Variants in WWC2 observed in about 807,000 individuals in gnomAD.
WWC2 encodes the protein protein WWC2.
A neutral mutation model predicts 138.5 loss-of-function variants in WWC2; 101 were observed. That is an observed-to-expected ratio of 0.73 (90% CI 0.62 to 0.86). The LOEUF (loss-of-function observed/expected upper bound fraction) is 0.86, where lower values mean the gene tolerates loss of function less well. Ranked by LOEUF, WWC2 falls within the 40% of genes least tolerant of loss-of-function variation. The pLI is 0.00. For missense variants in WWC2, 1,420 were observed against 1,419.4 expected (o/e 1.00, Z -0.01); for synonymous variants, 558 against 538.4 (o/e 1.04, Z -0.50).
chr4:183,201,682 G>T (rs184269426), intron 2 of WWC2, among the ~76,000 whole-genome samples: 1 of 152,302 alleles, frequency 6.6e-6, no homozygotes. Context: ...ACTTGCTGTA[G>T]CTCTTGGGGC....
In WWC2 at chr4:183,320,219, T is replaced by G; in HGVS notation, c.*4490T>G. 6.2e-7 allele frequency: 1 copy of G among 1,611,266 alleles called. No individual in the cohort carries two copies. On this transcript the variant is annotated 3_prime_UTR_variant, in exon 23 of 23. Transcript: ENST00000403733. ...CTACAGTTCTAAATACTAAAGCCAT[T>G]ATAATGTCCTGAGAGCTTTAGCCAA...
At chr4:183,101,316 A>G (rs1453686147) in intron 1 of WWC2, among the ~76,000 whole-genome samples, 1 of 152,236 alleles carries the variant, frequency 6.6e-6, no homozygotes, top group Non-Finnish European at 1.5e-5. Context: ...TGACTTGGCT[A>G]TCCATATCAC....
intron 8 of WWC2, among the ~76,000 whole-genome samples, chr4:183,250,958 C>T (rs774487273): frequency 1.3e-5 from 2 of 152,122 alleles, no homozygotes; most frequent in Non-Finnish European, 2.9e-5. Context: ...AAAATAAATA[C>T]AATATTCACC....
chr4:183,205,733 T>G (rs1187016135), intron 2 of WWC2, among the ~76,000 whole-genome samples: 2 of 152,298 alleles, frequency 1.3e-5, no homozygotes, highest in East Asian at 3.9e-4. Context: ...CTTATTTAGC[T>G]CTGTTGTTAA....
intron 1 of WWC2, among the ~76,000 whole-genome samples, chr4:183,187,195 C>T (rs891163666): frequency 1.3e-5 from 2 of 152,034 alleles, no homozygotes; most frequent in Admixed American, 6.6e-5. Context: ...TTTTGTGACA[C>T]GTTTTACGTT....
At chr4:183,169,708 T>G (rs1036127917) in intron 1 of WWC2, among the ~76,000 whole-genome samples, 6 of 152,190 alleles carry the variant, frequency 3.9e-5, no homozygotes, top group Non-Finnish European at 8.8e-5. Flanking sequence ...TTTGTTTATA[T>G]AATATAGTAT....
chr4:183,271,094 C>T lies in WWC2; in HGVS notation c.2415C>T (p.Ile805=), dbSNP rs1162265535. The T allele has an allele frequency of 4.4e-6, 7 of 1,595,082 alleles. No homozygotes were observed. The East Asian group carries it at 1.4e-4, about 31-fold the overall frequency. ...RREECLAGTQ[I]SLADLPFSSE... ...CACTTACATAGGCTGGAACTCAGAT[C>T]AGCCTGGCAGATTTACCATTTTCCA... The change falls in exon 16 of 23, where the codon ATC becomes ATT. Residue 805 remains isoleucine (I), a synonymous_variant. Transcript: ENST00000403733.
At chr4:183,185,706 T>C (rs1030725292) in intron 1 of WWC2, among the ~76,000 whole-genome samples, 1 of 152,156 alleles carries the variant, frequency 6.6e-6, no homozygotes, top group East Asian at 1.9e-4. Context: ...TACTGCCCTA[T>C]GTACAAATGT....
chr4:183,169,068 G>A (rs1734203098), intron 1 of WWC2, among the ~76,000 whole-genome samples: 1 of 152,046 alleles, frequency 6.6e-6, no homozygotes, highest in African/African-American at 2.4e-5. Context: ...GGCTGGTCTT[G>A]AACTCCTGAC....
At chr4:183,267,926 G>C (rs1737558080) in intron 14 of WWC2, among the ~76,000 whole-genome samples, 1 of 152,060 alleles carries the variant, frequency 6.6e-6, no homozygotes, top group African/African-American at 2.4e-5. Context: ...AACCTCAAAA[G>C]TTATTTTTTG....
intron 1 of WWC2, among the ~76,000 whole-genome samples, chr4:183,154,760 G>C (rs1240883453): frequency 6.6e-6 from 1 of 152,148 alleles, no homozygotes; most frequent in African/African-American, 2.4e-5. Context: ...CCTATCTGCA[G>C]TTGTGGCGCC....
At chr4:183,256,913 C>G in intron 9 of WWC2, among the ~76,000 whole-genome samples, 1 of 131,706 alleles carries the variant, frequency 7.6e-6, no homozygotes, top group African/African-American at 2.8e-5. Context: ...CGGCTCTGTT[C>G]CTGCCCCCAC....
At chr4:183,137,349 T>G (rs1733152847) in intron 1 of WWC2, among the ~76,000 whole-genome samples, 1 of 152,166 alleles carries the variant, frequency 6.6e-6, no homozygotes, top group African/African-American at 2.4e-5. Context: ...GTGTCCTTGT[T>G]CTATAAGCTT....
chr4:183,159,987 T>G (rs1218262505), intron 1 of WWC2, among the ~76,000 whole-genome samples: 1 of 152,196 alleles, frequency 6.6e-6, no homozygotes, highest in East Asian at 1.9e-4. Context: ...CTTTGCCTGA[T>G]TCTGATGTGC....
At chr4:183,216,280 A>G (rs956371400) in intron 4 of WWC2, among the ~76,000 whole-genome samples, 1 of 152,196 alleles carries the variant, frequency 6.6e-6, no homozygotes, top group Admixed American at 6.5e-5. Flanking sequence ...CTCAGCTTCT[A>G]CTTAATGAAG....
In WWC2 at chr4:183,253,883, C is replaced by T. The variant is rs376596593; in HGVS notation, c.1080C>T (p.Phe360=). ...EKEELLKELQ[F]VTPQKRTQDE... ...AAGAACTTTTGAAAGAGCTTCAGTT[C>T]GTCACCCCACAGAAACGTACCCAAG... The change falls in exon 9 of 23, where the codon TTC becomes TTT. Residue 360 remains phenylalanine, a synonymous_variant. Coordinates refer to ENST00000403733, the MANE Select transcript of WWC2 (RefSeq NM_024949.6). The T allele has an allele frequency of 1.7e-5, 27 of 1,613,712 alleles. No homozygotes were observed. The highest frequency in any genetic ancestry group is 1.6e-4 in the Middle Eastern group (1 of 6,062).
intron 11 of WWC2, among the ~76,000 whole-genome samples, chr4:183,262,229 T>C (rs1292725706): frequency 6.6e-6 from 1 of 152,248 alleles, no homozygotes; most frequent in African/African-American, 2.4e-5. Flanking sequence ...TAGATATGAT[T>C]GTAAAGAGCA....
chr4:183,099,980 G>A (rs559080582), intron 1 of WWC2, among the ~76,000 whole-genome samples: 38 of 152,354 alleles, frequency 2.5e-4, no homozygotes, highest in Non-Finnish European at 3.5e-4. Flanking sequence ...CGGCCTCTGG[G>A]CGGCGGGGGT....
chr4:183,174,504 G>T (rs923656645), intron 1 of WWC2, among the ~76,000 whole-genome samples: 2 of 152,084 alleles, frequency 1.3e-5, no homozygotes, highest in Non-Finnish European at 2.9e-5. Flanking sequence ...GTTCTCATCC[G>T]CTGACCTTCC....
Sources: allele counts gnomAD v4.1 joint callset (sites outside exome capture counted in the v4.1 genomes callset), GRCh38; gene constraint gnomAD v4.1.1; transcripts MANE v1.5; gene names NCBI Gene and HGNC (gene_info 2026-07-23, HGNC 2026-07-21).